ARHGAP39: variants seen among roughly 807,000 people sequenced by gnomAD.
ARHGAP39 encodes the protein Rho GTPase activating protein 39, also known as rho GTPase-activating protein 39.
Under a neutral mutation model 106.9 loss-of-function variants are expected in ARHGAP39, and 44 were observed. The ratio of observed to expected loss-of-function variants is 0.41; its 90% CI spans 0.32 to 0.53. The LOEUF (loss-of-function observed/expected upper bound fraction) is 0.53. Among genes scored for constraint, ARHGAP39 ranks in the 20% least tolerant of loss-of-function variants. The pLI is 0.21. For missense variants in ARHGAP39, 1,496 were observed against 1,577.3 expected (o/e 0.95, Z 0.87); for synonymous variants, 768 against 693.2 (o/e 1.11, Z -1.69).
chr8:144,551,922 C>G (rs1295723744), intron 4 of ARHGAP39, among the ~76,000 whole-genome samples: 1 of 152,198 alleles, frequency 6.6e-6, no homozygotes, highest in Admixed American at 6.5e-5. Flanking sequence ...TCCCATCTCT[C>G]CAGGGCAAGT....
chr8:144,635,647 TG>T (rs1468660749), intron 1 of ARHGAP39, among the ~76,000 whole-genome samples: 2 of 152,046 alleles, frequency 1.3e-5, no homozygotes, highest in Non-Finnish European at 2.9e-5. Context: ...GCACTGGAAG[TG>T]GGGGTGGTCT....
rs1257978959 is a variant in ARHGAP39 at position 144,645,086 on chromosome 8, G to A, written c.-81-39391C>T. ...CAGGAGGAAGCGAAGAAAACACTGG[G>A]CAGGTCCACAGTTAAACTGCAACTC... On this transcript the variant is annotated intron_variant, in intron 1 of 11. Coordinates refer to ENST00000377307, the MANE Select transcript of ARHGAP39 (RefSeq NM_025251.3). This position sits in a 1 kb window ranked among gnomAD's most constrained non-coding sequence, Gnocchi z 4.4. Among the ~76,000 whole-genome samples, 2 of 152,214 alleles carry A rather than the reference G, an allele frequency of 1.3e-5. 1 individual carries two copies. The highest frequency in any genetic ancestry group is 3.9e-4 in the East Asian group (2 of 5,188).
intron 1 of ARHGAP39, among the ~76,000 whole-genome samples, chr8:144,615,035 T>A (rs776495272): frequency 1.2e-4 from 18 of 152,210 alleles, no homozygotes; most frequent in African/African-American, 4.3e-4. Flanking sequence ...CTTACGAGTC[T>A]GGATCATGGG....
intron 6 of ARHGAP39, among the ~76,000 whole-genome samples, chr8:144,542,563 G>A (rs2130832613): frequency 6.6e-6 from 1 of 152,198 alleles, no homozygotes; most frequent in Admixed American, 6.5e-5. Context: ...CGGCTGATAG[G>A]GCCTGTCTTT....
chr8:144,689,245 A>G (rs1429747922), upstream of ARHGAP39, among the ~76,000 whole-genome samples: 1 of 151,384 alleles, frequency 6.6e-6, no homozygotes, highest in Admixed American at 6.6e-5. Context: ...TTTTTTTTAC[A>G]AATATTTAAC....
At chr8:144,600,788 C>T (rs1052734993) in intron 2 of ARHGAP39, among the ~76,000 whole-genome samples, 13 of 143,274 alleles carry the variant, frequency 9.1e-5, no homozygotes, top group Non-Finnish European at 1.5e-4. Flanking sequence ...GAGGCATGCG[C>T]GTGAGCTCAT....
At position 144,645,596 on chromosome 8, in the gene ARHGAP39, G is replaced by A. The variant is rs1392592743; in HGVS notation, c.-81-39901C>T. The stretch of plus-strand genomic sequence containing the variant: ...TCCCTGCCTCACTCTGGTCTCTCCC[G>A]GCACAGAGTCCCATGAATGTCATCA... On this transcript the variant is annotated intron_variant, in intron 1 of 11. Coordinates refer to ENST00000377307, the MANE Select transcript of ARHGAP39 (RefSeq NM_025251.3). The surrounding 1 kb of genome is among the most constrained non-coding windows in gnomAD (Gnocchi z 4.4). Among the ~76,000 whole-genome samples the A allele has an allele frequency of 2.6e-5, 4 of 152,230 alleles. No individual in the cohort carries two copies. The highest frequency in any genetic ancestry group is 7.2e-5 in the African/African-American group (3 of 41,458).
At chr8:144,685,096 T>G (rs957632247) in intron 1 of ARHGAP39, among the ~76,000 whole-genome samples, 10 of 147,642 alleles carry the variant, frequency 6.8e-5, no homozygotes, top group African/African-American at 2.5e-4. Context: ...CGGGGTCCCC[T>G]CACACCCCCC....
intron 1 of ARHGAP39, among the ~76,000 whole-genome samples, chr8:144,619,171 C>T (rs1563711220): frequency 6.6e-6 from 1 of 152,222 alleles, no homozygotes. Flanking sequence ...TTGCTTCCAA[C>T]GTCCCACGCC....
the ARHGAP39 span, among the ~76,000 whole-genome samples, chr8:144,697,347 C>T: frequency 6.6e-6 from 1 of 150,626 alleles, no homozygotes; most frequent in South Asian, 2.1e-4. Context: ...ATAGCTTTAG[C>T]ATATCGTTCT....
At position 144,547,793 on chromosome 8, in the gene ARHGAP39, G is replaced by C; in HGVS notation, c.1293C>G (p.Pro431=). ...GCTGGTCCCTCAGCAGGCAGGGGCT[G>C]GGCTGCAAGGAGTACGAACCACCGC... ...NPGGGSYSLQ[P]SPCLLRDQRL... The change falls in exon 5 of 12, where the codon CCC becomes CCG. Residue 431 remains proline (P), a synonymous_variant. Coordinates refer to ENST00000377307, the MANE Select transcript of ARHGAP39 (RefSeq NM_025251.3). This position sits in a 1 kb window ranked among gnomAD's most constrained non-coding sequence, Gnocchi z 5.2. 1.3e-6 allele frequency: 2 copies of C among 1,595,846 alleles called. No homozygotes were observed. Among genetic ancestry groups the C allele is most frequent in the Non-Finnish European group, 1.7e-6 (2 of 1,175,536 alleles).
chr8:144,539,686 T>A (rs1817114006), intron 6 of ARHGAP39, among the ~76,000 whole-genome samples: 1 of 152,258 alleles, frequency 6.6e-6, no homozygotes, highest in Non-Finnish European at 1.5e-5. Flanking sequence ...TTCACTAAGT[T>A]GCCTTTGCAG....
chr8:144,534,337 A>G, intron 7 of ARHGAP39, 135 bp from the exon 8 acceptor site: 2 of 877,212 alleles, frequency 2.3e-6, no homozygotes, highest in Non-Finnish European at 3.6e-6. Context: ...CCTGCCCAGC[A>G]CAGCGGGTCC....
At chr8:144,628,971 G>A (rs1265404141) in intron 1 of ARHGAP39, among the ~76,000 whole-genome samples, 2 of 152,168 alleles carry the variant, frequency 1.3e-5, no homozygotes, top group Non-Finnish European at 2.9e-5. Flanking sequence ...TCTTGTGATG[G>A]CGGATGCATC....
At chr8:144,546,780 C>T (rs1259129008) in intron 5 of ARHGAP39, among the ~76,000 whole-genome samples, 2 of 152,296 alleles carry the variant, frequency 1.3e-5, no homozygotes, top group African/African-American at 2.4e-5. Context: ...TCCTCAGGGG[C>T]CCAGGCCACG....
chr8:144,548,229 G>A lies in ARHGAP39; in HGVS notation c.857C>T (p.Ser286Phe). 6.2e-7 allele frequency: 1 copy of A among 1,607,776 alleles called. No homozygotes were observed. Among genetic ancestry groups the A allele is most frequent in the Non-Finnish European group, 8.5e-7 (1 of 1,176,832 alleles). ...CTTTCGGGGCTGGGCCAGCAGCGGG[G>A]AGCTGCTCCCTGGGAGCTCGGCCCT... ...LKRAELPGSS[S>F]PLLAQPRKPS... The change falls in exon 5 of 12, where the codon TCC becomes TTC. Residue 286 changes from serine (S) to phenylalanine (F), a missense_variant. This residue lies in a region of ARHGAP39 where 905 missense variants were observed against 816.4 expected (regional missense o/e 1.11). Coordinates refer to ENST00000377307, the MANE Select transcript of ARHGAP39 (RefSeq NM_025251.3). The surrounding 1 kb of genome is among the most constrained non-coding windows in gnomAD (Gnocchi z 7.4).
At position 144,547,513 on chromosome 8, in the gene ARHGAP39, C is replaced by T; in HGVS notation, c.1573G>A (p.Glu525Lys). ...AGGCTGGTCCCGCACGGGGGCTGTT[C>T]CTCGGCCAGGGGCTGCTCCACAAGC... is the stretch of plus-strand genomic sequence containing the variant. ...DLLVEQPLAE[E>K]QPPCGTSLAP... The change falls in exon 5 of 12, where the codon GAA becomes AAA. Residue 525 changes from glutamate to lysine, a missense_variant. Glu to Lys is a moderately conservative substitution (Grantham distance 56). Coordinates refer to ENST00000377307, the MANE Select transcript of ARHGAP39 (RefSeq NM_025251.3). The surrounding 1 kb of genome is among the most constrained non-coding windows in gnomAD (Gnocchi z 5.2). 1.3e-6 allele frequency: 2 copies of T among 1,494,634 alleles called. No individual in the cohort carries two copies. The highest frequency in any genetic ancestry group is 8.9e-7 in the Non-Finnish European group (1 of 1,125,666). The allele number at this position is 1,494,634 out of a possible 1,614,324, so 92.6% of individuals were successfully genotyped here.
chr8:144,547,636 A>C lies in ARHGAP39; in HGVS notation c.1450T>G (p.Ser484Ala). ...SWSSQQDTLS[S>A]TGYSPGTRKR... ...CGCGTGCCCGGGGAGTAGCCTGTGGAGGACAGGGTGTCCTGCTGGCTGGAC... is the reference window on the plus strand; with the variant it reads ...CGCGTGCCCGGGGAGTAGCCTGTGGCGGACAGGGTGTCCTGCTGGCTGGAC... The change falls in exon 5 of 12, where the codon TCC becomes GCC. Residue 484 changes from serine (S) to alanine (A), a missense_variant. By Grantham distance (99) the Ser-to-Ala change is moderately conservative. Transcript: ENST00000377307. This position sits in a 1 kb window ranked among gnomAD's most constrained non-coding sequence, Gnocchi z 5.2. 1 of 1,523,532 alleles carries C rather than the reference A, an allele frequency of 6.6e-7. No individual in the cohort carries two copies. The highest frequency in any genetic ancestry group is 1.4e-5 in the African/African-American group (1 of 73,136). 94.4% of individuals were successfully genotyped at this position (1,523,532 alleles called of 1,614,324 possible).
chr8:144,652,720 G>C (rs1372069161), intron 1 of ARHGAP39, among the ~76,000 whole-genome samples: 2 of 151,790 alleles, frequency 1.3e-5, no homozygotes, highest in Admixed American at 1.3e-4. Flanking sequence ...GAGAACTCAT[G>C]AACACAAAGG....
Sources: allele counts gnomAD v4.1 joint callset (sites outside exome capture counted in the v4.1 genomes callset), GRCh38; gene constraint gnomAD v4.1.1; regional missense constraint gnomAD v4.1.1; non-coding constraint Gnocchi (gnomAD v3.1); transcripts MANE v1.5; gene names NCBI Gene and HGNC (gene_info 2026-07-23, HGNC 2026-07-21).